MACROD2: variants seen among roughly 807,000 people sequenced by gnomAD.
MACROD2 encodes ADP-ribose glycohydrolase MACROD2.
In MACROD2, 36 loss-of-function variants were observed where a neutral mutation model predicts 70.4. The ratio of observed to expected loss-of-function variants is 0.51; its 90% CI spans 0.39 to 0.68. MACROD2 has a LOEUF of 0.68. Ranked by LOEUF, MACROD2 falls within the 30% of genes least tolerant of loss-of-function variation. MACROD2 has a pLI of 0.00. For synonymous variants in MACROD2, 172 were observed against 178.8 expected (o/e 0.96, Z 0.30); for missense variants, 496 against 538.4 (o/e 0.92, Z 0.78).
chr20:16,006,969 C>T (rs1029875653), intron 15 of MACROD2, among the ~76,000 whole-genome samples: 2 of 152,284 alleles, frequency 1.3e-5, no homozygotes, highest in East Asian at 1.9e-4. Context: ...AAATATTATA[C>T]ATCTACTGTA....
chr20:15,349,025 A>AT (rs1347608672), intron 6 of MACROD2, among the ~76,000 whole-genome samples: 3 of 152,130 alleles, frequency 2.0e-5, no homozygotes, highest in East Asian at 1.9e-4. Flanking sequence ...TTTCATTTTT[A>AT]TTTTTTTAAT....
intron 5 of MACROD2, among the ~76,000 whole-genome samples, chr20:15,144,069 G>A (rs970385197): frequency 6.7e-6 from 1 of 150,054 alleles, no homozygotes; most frequent in African/African-American, 2.4e-5. Context: ...CGGGTTGGAC[G>A]GTGCCAAAGC....
chr20:15,805,837 G>C (rs931287499), intron 8 of MACROD2, among the ~76,000 whole-genome samples: 3 of 152,234 alleles, frequency 2.0e-5, no homozygotes, highest in Admixed American at 1.3e-4. Context: ...TGTTGACTGA[G>C]TTGGTAATGG....
At chr20:15,585,151 C>T (rs1448160319) in intron 8 of MACROD2, among the ~76,000 whole-genome samples, 1 of 152,054 alleles carries the variant, frequency 6.6e-6, no homozygotes, top group Non-Finnish European at 1.5e-5. Flanking sequence ...CATCTGACTT[C>T]CAGCCACCAC....
chr20:14,277,086 C>T (rs78165297), intron 3 of MACROD2, among the ~76,000 whole-genome samples: 2,316 of 152,150 alleles, frequency 0.015, 25 homozygotes, highest in African/African-American at 0.027. Flanking sequence ...AAGTCCCTGG[C>T]TAGCTGATGA....
chr20:14,385,851 A>G (rs879496772), intron 3 of MACROD2, among the ~76,000 whole-genome samples: 6 of 152,248 alleles, frequency 3.9e-5, no homozygotes, highest in Admixed American at 3.9e-4. Context: ...TCATGCTCAG[A>G]TAACAACTGC....
chr20:15,636,071 C>CAAAAAAAAAAAAAAA (rs1178846767), intron 8 of MACROD2, among the ~76,000 whole-genome samples: 2 of 27,938 alleles, frequency 7.2e-5, no homozygotes, highest in East Asian at 1.2e-3. Context: ...GGCTCCCTCT[C>CAAAAAAAAAAAAAAA]AAAAGAAAAA....
chr20:15,957,007 G>A (rs989182999), intron 12 of MACROD2, among the ~76,000 whole-genome samples: 11 of 152,118 alleles, frequency 7.2e-5, no homozygotes, highest in Admixed American at 5.9e-4. Context: ...TTTCACAAAC[G>A]TAATGTTGTG....
At chr20:14,536,709 A>T (rs530277585) in intron 4 of MACROD2, among the ~76,000 whole-genome samples, 1 of 151,792 alleles carries the variant, frequency 6.6e-6, no homozygotes, top group South Asian at 2.1e-4. Context: ...ACATTAAGTC[A>T]CATTTTTTAT....
intron 4 of MACROD2, among the ~76,000 whole-genome samples, chr20:14,671,364 A>G (rs1471249375): frequency 6.6e-6 from 1 of 152,108 alleles, no homozygotes; most frequent in Non-Finnish European, 1.5e-5. Context: ...TAATGATGAG[A>G]TATAGGTCAT....
At position 15,600,879 on chromosome 20, in the gene MACROD2, C is replaced by A. The variant is rs188400749; in HGVS notation, c.645+101032C>A. ...AGAAAAACCTTGACATTTTGACCAT[C>A]TTTTATGTTGCAACTAGAAGGGAAA... is the stretch of plus-strand genomic sequence containing the variant. On this transcript the variant is annotated intron_variant, in intron 8 of 17. Coordinates refer to ENST00000684519, the MANE Select transcript of MACROD2 (RefSeq NM_001351661.2). 6.6e-5 allele frequency among the ~76,000 whole-genome samples: 10 copies of A among 152,280 alleles called. No homozygotes were observed. In the East Asian group the frequency reaches 1.9e-3, roughly 29 times the overall value.
At chr20:14,044,711 C>T (rs2053444123) in intron 2 of MACROD2, among the ~76,000 whole-genome samples, 2 of 152,216 alleles carry the variant, frequency 1.3e-5, no homozygotes, top group South Asian at 4.1e-4. Flanking sequence ...AATCCCTTAG[C>T]TAGACATAAA....
intron 8 of MACROD2, among the ~76,000 whole-genome samples, chr20:15,569,587 T>G (rs1057147213): frequency 1.1e-4 from 17 of 152,240 alleles, no homozygotes; most frequent in Non-Finnish European, 2.4e-4. Context: ...TTCTACGCTC[T>G]GCTGCGATGA....
chr20:15,590,027 T>C (rs1202542825), intron 8 of MACROD2, among the ~76,000 whole-genome samples: 1 of 152,220 alleles, frequency 6.6e-6, no homozygotes, highest in African/African-American at 2.4e-5. Flanking sequence ...ATCACTGTGA[T>C]ATGAGATCAT....
intron 6 of MACROD2, among the ~76,000 whole-genome samples, chr20:15,352,102 G>A (rs1160991055): frequency 4.6e-5 from 7 of 152,196 alleles, no homozygotes; most frequent in Non-Finnish European, 8.8e-5. Context: ...TGGTCCATGT[G>A]CAGCAGAGTG....
At chr20:15,919,838 G>A (rs2065375949) in intron 10 of MACROD2, among the ~76,000 whole-genome samples, 1 of 152,116 alleles carries the variant, frequency 6.6e-6, no homozygotes, top group African/African-American at 2.4e-5. Flanking sequence ...CCATTGGGAA[G>A]TGGACTTACA....
At chr20:15,239,087 T>C (rs935251443) in intron 6 of MACROD2, among the ~76,000 whole-genome samples, 1 of 152,122 alleles carries the variant, frequency 6.6e-6, no homozygotes, top group African/African-American at 2.4e-5. Context: ...ACATTAGGTT[T>C]GAACAATTGG....
chr20:14,578,481 T>A (rs1317760747), intron 4 of MACROD2, among the ~76,000 whole-genome samples: 1 of 152,214 alleles, frequency 6.6e-6, no homozygotes, highest in Non-Finnish European at 1.5e-5. Context: ...TTGTTAAATG[T>A]CATTTATTTC....
intron 3 of MACROD2, among the ~76,000 whole-genome samples, chr20:14,428,719 G>C (rs1448147774): frequency 6.6e-6 from 1 of 152,088 alleles, no homozygotes; most frequent in East Asian, 1.9e-4. Flanking sequence ...ATACTTATAT[G>C]AATTAATGGA....
Sources: gnomAD v4.1 joint callset for allele counts (sites outside exome capture counted in the v4.1 genomes callset) on GRCh38, gnomAD v4.1.1 for gene constraint, MANE v1.5 for transcripts, NCBI Gene and HGNC (gene_info 2026-07-23, HGNC 2026-07-21) for gene names.